Variants in PLCB3 observed in about 807,000 individuals in gnomAD.
PLCB3 encodes 1-phosphatidylinositol 4,5-bisphosphate phosphodiesterase beta-3.
Under a neutral mutation model 152.1 loss-of-function variants are expected in PLCB3, and 54 were observed. The observed-to-expected ratio is 0.36, with a 90% CI of 0.29 to 0.45. The LOEUF (loss-of-function observed/expected upper bound fraction) is 0.45. Ranked by LOEUF, PLCB3 falls within the 20% of genes least tolerant of loss-of-function variation. PLCB3 has a pLI of 1.00. For synonymous variants in PLCB3, 717 were observed against 698.7 expected (o/e 1.03, Z -0.41); for missense variants, 1,248 against 1,687.5 (o/e 0.74, Z 4.56).
At chr11:64,256,217 CTG>C (rs2031520729) in intron 8 of PLCB3, among the ~76,000 whole-genome samples, 157 bp from the exon 9 acceptor site, 1 of 152,122 alleles carries the variant, frequency 6.6e-6, no homozygotes, top group African/African-American at 2.4e-5. Context: ...AAGGGGGAAA[CTG>C]AGGCCCAGAG....
Position 64,266,292 on chromosome 11 carries a change from T to C in PLCB3, c.3267-23T>C. The C allele has an allele frequency of 6.2e-7, 1 of 1,613,448 alleles. No homozygotes were observed. The highest frequency in any genetic ancestry group is 8.5e-7 in the Non-Finnish European group (1 of 1,179,908). ...CTGTGCTTCTGCCGCTGACCCCTCCTCTTCCCCTGCCGGCTTCTCCAGGGA... is the reference window on the plus strand; with the variant it reads ...CTGTGCTTCTGCCGCTGACCCCTCCCCTTCCCCTGCCGGCTTCTCCAGGGA... On this transcript the variant is annotated intron_variant, in intron 27 of 30. Coordinates refer to ENST00000279230, the MANE Select transcript of PLCB3 (RefSeq NM_000932.5). The surrounding 1 kb of genome is among the most constrained non-coding windows in gnomAD (Gnocchi z 4.9).
chr11:64,268,582 G>C (rs1347804209), downstream of PLCB3: 1 of 152,340 alleles, frequency 6.6e-6, no homozygotes. Context: ...TGGAGGCAGG[G>C]CAGGCCTGGA....
chr11:64,262,931 G>C (rs2031929135), intron 19 of PLCB3, 123 bp downstream of exon 19: 1 of 995,278 alleles, frequency 1.0e-6, no homozygotes, highest in East Asian at 2.5e-5. Context: ...AGTGGGGGGT[G>C]CCATGGGTCC....
At chr11:64,264,478 C>T (rs1436230225) in intron 22 of PLCB3, among the ~76,000 whole-genome samples, 1 of 152,080 alleles carries the variant, frequency 6.6e-6, no homozygotes, top group Non-Finnish European at 1.5e-5. Flanking sequence ...CAGATCCAGT[C>T]CCCCCAGGGC....
Position 64,258,608 on chromosome 11 carries a change from T to G in PLCB3, c.1148T>G (p.Met383Arg). Residue 383 changes from methionine to arginine, a missense_variant, in exon 11 of 31, where the codon ATG (methionine) becomes AGG (arginine). Around this residue, in one of 6 missense-constraint regions of PLCB3, gnomAD observed 122 missense variants for 221.8 expected, o/e 0.55. Coordinates refer to ENST00000279230, the MANE Select transcript of PLCB3 (RefSeq NM_000932.5). The surrounding 1 kb of genome is among the most constrained non-coding windows in gnomAD (Gnocchi z 7.2). ...CCCTTCATTACCCACGGCTTCACCA[T>G]GACCACAGAGGTGCCTCTGCGCGAC... The part of the protein sequence containing the change: ...EEPFITHGFT[M>R]TTEVPLRDVL... 6.2e-7 allele frequency: 1 copy of G among 1,614,106 alleles called. No homozygotes were observed. The highest frequency in any genetic ancestry group is 8.5e-7 in the Non-Finnish European group (1 of 1,180,024).
rs2032145627 is a variant in PLCB3, at chr11:64,266,805, C to T, written c.3414+253C>T. On this transcript the variant is annotated intron_variant, in intron 29 of 30. Coordinates refer to ENST00000279230, the MANE Select transcript of PLCB3 (RefSeq NM_000932.5). The surrounding 1 kb of genome is among the most constrained non-coding windows in gnomAD (Gnocchi z 4.9). ...GCCCTGGGAGCCTTCGCCCACCTGA[C>T]TTCTTTTTCTTTGAGACAGAGTCTC... Among the ~76,000 whole-genome samples the T allele has an allele frequency of 6.6e-6, 1 of 152,108 alleles. No individual in the cohort carries two copies.
At position 64,256,670 on chromosome 11, in the gene PLCB3, C is replaced by A. The variant is rs951982791; in HGVS notation, c.918C>A (p.Gly306=). Residue 306 remains glycine, a synonymous_variant, in exon 10 of 31, where the codon GGC becomes GGA. Transcript: ENST00000279230. ...GCTACCTGGGAGGCGAGGAGAATGG[C>A]ATCCTGCCCCTGGAAGCCCTGGATC... ...FSRYLGGEEN[G]ILPLEALDLS... 2.5e-6 allele frequency: 4 copies of A among 1,614,112 alleles called. No individual in the cohort carries two copies. In the African/African-American group the frequency reaches 4.0e-5, roughly 16 times the overall value.
intron 22 of PLCB3, among the ~76,000 whole-genome samples, chr11:64,264,571 T>C (rs1291236812): frequency 6.6e-6 from 1 of 152,156 alleles, no homozygotes; most frequent in African/African-American, 2.4e-5. Flanking sequence ...CACTCTGCGG[T>C]TGAGTCCTCT....
intron 25 of PLCB3, 64 bp from the exon 26 acceptor site, chr11:64,265,822 A>G: frequency 1.3e-6 from 2 of 1,565,960 alleles, no homozygotes; most frequent in South Asian, 2.3e-5. Context: ...GCCCCCCTAC[A>G]CACCCTCCCC....
Position 64,261,392 on chromosome 11 carries a change from G to T in PLCB3, c.1732-8G>T. On this transcript the variant is annotated splice_region_variant and splice_polypyrimidine_tract_variant and intron_variant, in intron 14 of 30. Coordinates refer to ENST00000279230, the MANE Select transcript of PLCB3 (RefSeq NM_000932.5). ...ATGGCACTGCTGACCCTGGGTTGGG[G>T]CCCACAGGGCACAGCCAGCAGCGAG... 3 of 1,610,694 alleles carry T rather than the reference G, an allele frequency of 1.9e-6. No individual in the cohort carries two copies. Among genetic ancestry groups the T allele is most frequent in the Non-Finnish European group, 2.5e-6 (3 of 1,177,128 alleles).
intron 8 of PLCB3, among the ~76,000 whole-genome samples, chr11:64,256,161 G>A (rs1221361292): frequency 1.3e-5 from 2 of 152,146 alleles, no homozygotes; most frequent in African/African-American, 2.4e-5. Context: ...CATTGCTGGT[G>A]CCCACTAGTC....
chr11:64,267,335 C>T lies in PLCB3; in HGVS notation c.3502-18C>T, dbSNP rs1273623331. 1.9e-5 allele frequency: 29 copies of T among 1,549,094 alleles called. No individual in the cohort carries two copies. The highest frequency in any genetic ancestry group is 2.5e-5 in the Non-Finnish European group (29 of 1,145,580). On this transcript the variant is annotated intron_variant, in intron 30 of 30. Coordinates refer to ENST00000279230, the MANE Select transcript of PLCB3 (RefSeq NM_000932.5). This position sits in a 1 kb window ranked among gnomAD's most constrained non-coding sequence, Gnocchi z 5.2. ...AGGCAGCCAGGCCTCGCCTGTGATGCCCATCCTTCTCCCACAGCTGCTGGC... is the reference window on the plus strand; with the variant it reads ...AGGCAGCCAGGCCTCGCCTGTGATGTCCATCCTTCTCCCACAGCTGCTGGC...
At chr11:64,261,715 A>G (rs2031861579) in intron 16 of PLCB3, 50 bp downstream of exon 16, 4 of 1,545,604 alleles carry the variant, frequency 2.6e-6, no homozygotes, top group Non-Finnish European at 3.6e-6. Context: ...GGGCGCTCGG[A>G]GGCCGGCTCC....
chr11:64,255,335 G>A lies in PLCB3; in HGVS notation c.467+22G>A. 1 of 1,613,680 alleles carries A rather than the reference G, an allele frequency of 6.2e-7. No homozygotes were observed. Among genetic ancestry groups the A allele is most frequent in the Middle Eastern group, 1.7e-4 (1 of 6,060 alleles). The stretch of plus-strand genomic sequence containing the variant: ...AAGCGTGAGCCCCAGGCCACCCGAG[G>A]GGGAGCCGGGGGGTTCACGTGGCCG... On this transcript the variant is annotated intron_variant, in intron 5 of 30. Coordinates refer to ENST00000279230, the MANE Select transcript of PLCB3 (RefSeq NM_000932.5). The surrounding 1 kb of genome is among the most constrained non-coding windows in gnomAD (Gnocchi z 6.8).
intron 10 of PLCB3, 61 bp downstream of exon 10, chr11:64,256,825 C>T: frequency 6.5e-7 from 1 of 1,537,136 alleles, no homozygotes; most frequent in Non-Finnish European, 8.9e-7. Context: ...CACAGCCCCA[C>T]TCCTCCTGGG....
In PLCB3 at chr11:64,254,806, G is replaced by A. The variant is rs2031428735; in HGVS notation, c.236G>A (p.Arg79His). 6.2e-7 allele frequency: 1 copy of A among 1,613,802 alleles called. No homozygotes were observed. The highest frequency in any genetic ancestry group is 8.5e-7 in the Non-Finnish European group (1 of 1,179,974). The change falls in exon 3 of 31, where the codon CGC becomes CAC. Residue 79 changes from arginine to histidine, a missense_variant. Arg to His is a conservative substitution (Grantham distance 29). This residue lies in a region of PLCB3 where 299 missense variants were observed against 434.7 expected (regional missense o/e 0.69). Transcript: ENST00000279230. ...GACACACGGACAGGCCGGTACGCCCGCCTGCCCAAGGTGAGTGATGAGCCT... is the reference window on the plus strand; with the variant it reads ...GACACACGGACAGGCCGGTACGCCCACCTGCCCAAGGTGAGTGATGAGCCT... ...IRDTRTGRYA[R>H]LPKDPKIREV...
At position 64,267,494 on chromosome 11, in the gene PLCB3, G is replaced by A. The variant is rs760836121; in HGVS notation, c.3643G>A (p.Gly1215Arg). 2.5e-5 allele frequency: 40 copies of A among 1,569,202 alleles called. No individual in the cohort carries two copies. Among genetic ancestry groups the A allele is most frequent in the Admixed American group, 1.5e-4 (8 of 54,766 alleles). Residue 1215 changes from glycine to arginine, a missense_variant, in exon 31 of 31, where the codon GGG (glycine) becomes AGG (arginine). Coordinates refer to ENST00000279230, the MANE Select transcript of PLCB3 (RefSeq NM_000932.5). The surrounding 1 kb of genome is among the most constrained non-coding windows in gnomAD (Gnocchi z 5.2). ...CTGTGCCAGCAACGGTCACGCACCC[G>A]GGAGCAGCGGGCACCTGTCGGGCGC... ...VACASNGHAP[G>R]SSGHLSGADS...
At chr11:64,263,399 G>A in intron 19 of PLCB3, 99 bp from the exon 20 acceptor site, 1 of 715,430 alleles carries the variant, frequency 1.4e-6, no homozygotes, top group Non-Finnish European at 2.3e-6. Context: ...TCGTCTGAAG[G>A]TCTGCTTTGT....
At chr11:64,254,292 TG>T in intron 1 of PLCB3, 122 bp from the exon 2 acceptor site, 1 of 776,834 alleles carries the variant, frequency 1.3e-6, no homozygotes, top group Non-Finnish European at 2.2e-6. Flanking sequence ...ACCTGTGGAC[TG>T]GATGAGGTTT....
Sources: allele counts gnomAD v4.1 joint callset (sites outside exome capture counted in the v4.1 genomes callset), GRCh38; gene constraint gnomAD v4.1.1; regional missense constraint gnomAD v4.1.1; non-coding constraint Gnocchi (gnomAD v3.1); transcripts MANE v1.5; gene names NCBI Gene and HGNC (gene_info 2026-07-23, HGNC 2026-07-21).